Variants in NBEAL1 observed in about 807,000 individuals in gnomAD.
NBEAL1 encodes the protein neurobeachin-like protein 1.
A neutral mutation model predicts 351.3 loss-of-function variants in NBEAL1; 273 were observed. The observed-to-expected ratio is 0.78, with a 90% CI of 0.70 to 0.86. The LOEUF (loss-of-function observed/expected upper bound fraction) is 0.86. Among genes scored for constraint, NBEAL1 ranks in the 40% least tolerant of loss-of-function variants. The pLI is 0.00. For synonymous variants in NBEAL1, 1,050 were observed against 1,086.4 expected (o/e 0.97, Z 0.66); for missense variants, 2,961 against 3,201.3 (o/e 0.92, Z 1.81).
At chr2:203,216,212 A>T (rs909045506) in intron 55 of NBEAL1, among the ~76,000 whole-genome samples, 27 of 152,302 alleles carry the variant, frequency 1.8e-4, no homozygotes, top group African/African-American at 6.0e-4. Flanking sequence ...TGCAAATTTA[A>T]TGGTGAACAA....
intron 3 of NBEAL1, among the ~76,000 whole-genome samples, chr2:203,045,903 C>T (rs892277776): frequency 6.6e-6 from 1 of 152,148 alleles, no homozygotes; most frequent in Non-Finnish European, 1.5e-5. Flanking sequence ...GATTCTGAAG[C>T]TTTAGTGATA....
intron 6 of NBEAL1, among the ~76,000 whole-genome samples, chr2:203,059,090 G>A (rs1023640355): frequency 5.3e-5 from 8 of 151,978 alleles, no homozygotes; most frequent in South Asian, 2.1e-4. Flanking sequence ...AATTATTTTT[G>A]TAGGCTTTTC....
chr2:203,208,202 C>T (rs892602861), intron 51 of NBEAL1, among the ~76,000 whole-genome samples: 2 of 151,964 alleles, frequency 1.3e-5, no homozygotes, highest in South Asian at 4.1e-4. Flanking sequence ...GGGAGGATTA[C>T]GTGAGTCCAG....
chr2:203,025,742 G>T (rs537338352), intron 2 of NBEAL1, among the ~76,000 whole-genome samples: 1 of 152,100 alleles, frequency 6.6e-6, no homozygotes. Flanking sequence ...AGGACACTTG[G>T]TATCTGTCCT....
At chr2:203,202,646 A>ATCTC (rs2065432380) in intron 50 of NBEAL1, 41 bp from the exon 51 acceptor site, 1 of 1,175,998 alleles carries the variant, frequency 8.5e-7, no homozygotes, top group Non-Finnish European at 1.3e-6. Flanking sequence ...CTATTTTAGC[A>ATCTC]AAACGAGGCA....
chr2:203,081,502 A>G (rs147736470), intron 8 of NBEAL1, among the ~76,000 whole-genome samples: 1 of 152,368 alleles, frequency 6.6e-6, no homozygotes, highest in African/African-American at 2.4e-5. Context: ...ACTTTTAAAA[A>G]CTAAGTAAAT....
chr2:203,077,772 C>T lies in NBEAL1; in HGVS notation c.619C>T (p.His207Tyr). The T allele has an allele frequency of 6.9e-7, 1 of 1,449,316 alleles. No homozygotes were observed. Among genetic ancestry groups the T allele is most frequent in the Non-Finnish European group, 9.1e-7 (1 of 1,094,022 alleles). The allele number at this position is 1,449,316 out of a possible 1,614,324, so 89.8% of individuals were successfully genotyped here. ...TACAGAATGTTTTCAGGAAAGTGAA[C>T]ATCTCAAGGAAAGTCTTAAATGTTG... ...FFYQCFQESE[H>Y]LKESLKCCLL... The change falls in exon 8 of 56, where the codon CAT (histidine) becomes TAT (tyrosine). Residue 207 changes from histidine to tyrosine, a missense_variant. Physicochemically the swap from His to Tyr is moderately conservative, Grantham distance 83. Coordinates refer to ENST00000683969, the MANE Select transcript of NBEAL1 (RefSeq NM_001378026.1).
chr2:203,054,021 G>A (rs1232641734), intron 4 of NBEAL1, among the ~76,000 whole-genome samples: 1 of 151,920 alleles, frequency 6.6e-6, no homozygotes, highest in Non-Finnish European at 1.5e-5. Flanking sequence ...CATGATCATG[G>A]CTCACTACAG....
chr2:203,023,684 A>G (rs1053378494), intron 2 of NBEAL1, among the ~76,000 whole-genome samples: 1 of 151,814 alleles, frequency 6.6e-6, no homozygotes, highest in East Asian at 1.9e-4. Flanking sequence ...CAAGATCACT[A>G]ACTAGGTTTT....
At chr2:203,194,831 A>G (rs1383196645) in intron 47 of NBEAL1, among the ~76,000 whole-genome samples, 1 of 152,162 alleles carries the variant, frequency 6.6e-6, no homozygotes, top group Non-Finnish European at 1.5e-5. Flanking sequence ...ATTCAATACC[A>G]TGGGAAAATG....
intron 18 of NBEAL1, among the ~76,000 whole-genome samples, chr2:203,118,858 G>A (rs1462200084): frequency 2.6e-5 from 4 of 152,062 alleles, no homozygotes; most frequent in Admixed American, 6.6e-5. Flanking sequence ...CACAGTGCTG[G>A]GATTACAGGC....
chr2:203,041,050 C>G (rs558307552), intron 2 of NBEAL1, among the ~76,000 whole-genome samples: 3 of 152,328 alleles, frequency 2.0e-5, no homozygotes, highest in African/African-American at 7.2e-5. Context: ...ATGTTCATGG[C>G]AAGCACCTCT....
intron 36 of NBEAL1, among the ~76,000 whole-genome samples, chr2:203,160,001 A>G (rs1447619986): frequency 6.6e-6 from 1 of 150,472 alleles, no homozygotes; most frequent in East Asian, 1.9e-4. Context: ...AATGTTGAGC[A>G]TCTTTCCATG....
intron 42 of NBEAL1, among the ~76,000 whole-genome samples, 163 bp from the exon 43 acceptor site, chr2:203,180,219 A>G (rs2064663652): frequency 6.6e-6 from 1 of 152,268 alleles, no homozygotes; most frequent in Non-Finnish European, 1.5e-5. Flanking sequence ...GATAGAGATT[A>G]TCATAATAAG....
At chr2:203,017,976 G>A (rs910127664) in intron 2 of NBEAL1, among the ~76,000 whole-genome samples, 9 of 151,966 alleles carry the variant, frequency 5.9e-5, no homozygotes, top group African/African-American at 7.2e-5. Context: ...TGCTTAATAC[G>A]ATTTAAAATT....
At position 203,062,956 on chromosome 2, in the gene NBEAL1, A is replaced by G. The variant is rs1041829072; in HGVS notation, c.516-5437A>G. On this transcript the variant is annotated intron_variant, in intron 6 of 55. Coordinates refer to ENST00000683969, the MANE Select transcript of NBEAL1 (RefSeq NM_001378026.1). This position sits in a 1 kb window ranked among gnomAD's most constrained non-coding sequence, Gnocchi z 4.2. ...TTAGAAGATATATATTTTCTTATTCATTGTGTTTAATGCTTACCAAAATAG... is the reference window on the plus strand; with the variant it reads ...TTAGAAGATATATATTTTCTTATTCGTTGTGTTTAATGCTTACCAAAATAG... Among the ~76,000 whole-genome samples, 8 of 152,290 alleles carry G rather than the reference A, an allele frequency of 5.3e-5. No homozygotes were observed. Among genetic ancestry groups the G allele is most frequent in the East Asian group, 1.9e-4 (1 of 5,190 alleles).
chr2:203,094,352 C>T (rs560391847), intron 10 of NBEAL1, among the ~76,000 whole-genome samples: 16 of 152,048 alleles, frequency 1.1e-4, no homozygotes, highest in African/African-American at 3.6e-4. Flanking sequence ...CCAAATATAC[C>T]GCATGATGCC....
rs964266216 is a variant in NBEAL1, at chr2:203,062,248, A to G, written c.515+4795A>G. On this transcript the variant is annotated intron_variant, in intron 6 of 55. Coordinates refer to ENST00000683969, the MANE Select transcript of NBEAL1 (RefSeq NM_001378026.1). The surrounding 1 kb of genome is among the most constrained non-coding windows in gnomAD (Gnocchi z 4.2). ...CCCATATTTTCTGACTTGATCGTCA[A>G]CATTCTGGTCTTCCCATTTGTTTTC... The G allele has an allele frequency of 4.4e-6, 2 of 458,754 alleles. No individual in the cohort carries two copies. The highest frequency in any genetic ancestry group is 8.8e-6 in the Non-Finnish European group (2 of 227,970). 28.4% of individuals were successfully genotyped at this position (458,754 alleles called of 1,614,324 possible). A position where few individuals can be genotyped will look rare whatever the true frequency, so the allele number is the denominator to read the frequency against.
chr2:203,119,397 G>A (rs186062174), intron 18 of NBEAL1, among the ~76,000 whole-genome samples: 117 of 145,196 alleles, frequency 8.1e-4, no homozygotes, highest in African/African-American at 2.9e-3. Flanking sequence ...AAGATTACAG[G>A]CGTGAGCCAC....
Sources: allele counts gnomAD v4.1 joint callset (sites outside exome capture counted in the v4.1 genomes callset), GRCh38; gene constraint gnomAD v4.1.1; non-coding constraint Gnocchi (gnomAD v3.1); transcripts MANE v1.5; gene names NCBI Gene and HGNC (gene_info 2026-07-23, HGNC 2026-07-21).